The following IGF2BP1 variants were observed in gnomAD, a reference collection of about 807,000 sequenced individuals.
The protein encoded by IGF2BP1 is insulin like growth factor 2 mRNA binding protein 1.
Under a neutral mutation model 74.9 loss-of-function variants are expected in IGF2BP1, and 11 were observed. The ratio of observed to expected loss-of-function variants is 0.15; its 90% CI spans 0.09 to 0.24. The LOEUF (loss-of-function observed/expected upper bound fraction) is 0.24, where lower values mean the gene tolerates loss of function less well. Ranked by LOEUF, IGF2BP1 falls within the 10% of genes least tolerant of loss-of-function variation. IGF2BP1 has a pLI of 1.00. For missense variants in IGF2BP1, 440 were observed against 757.4 expected (o/e 0.58, Z 4.92); for synonymous variants, 287 against 281.8 (o/e 1.02, Z -0.18).
chr17:49,028,960 C>T (rs368242841), intron 4 of IGF2BP1, among the ~76,000 whole-genome samples: 3 of 152,166 alleles, frequency 2.0e-5, no homozygotes, highest in East Asian at 3.8e-4. Context: ...GCACCCACTA[C>T]CATGCCCAGC....
chr17:49,031,861 G>A, intron 4 of IGF2BP1, 49 bp from the exon 5 acceptor site: 1 of 1,522,556 alleles, frequency 6.6e-7, no homozygotes, highest in Non-Finnish European at 9.1e-7. Flanking sequence ...TTCATTGATT[G>A]GGCCTCCAGA....
At chr17:49,025,491 T>G in intron 2 of IGF2BP1, 127 bp from the exon 3 acceptor site, 5 of 832,838 alleles carry the variant, frequency 6.0e-6, no homozygotes, top group Non-Finnish European at 9.7e-6. Context: ...TCTTAGATTT[T>G]AAGACTATGG....
chr17:49,041,534 G>T, intron 8 of IGF2BP1, 34 bp downstream of exon 8: 1 of 1,612,928 alleles, frequency 6.2e-7, no homozygotes, highest in Non-Finnish European at 8.5e-7. Flanking sequence ...GTTTATGAGT[G>T]GGGGATGCAT....
intron 7 of IGF2BP1, 113 bp from the exon 8 acceptor site, chr17:49,041,265 T>G: frequency 1.8e-6 from 2 of 1,120,904 alleles, no homozygotes; most frequent in Non-Finnish European, 2.6e-6. Flanking sequence ...TTGATAAGTT[T>G]TGAGATGTTT....
At chr17:49,009,663 C>T (rs1037547637) in intron 2 of IGF2BP1, among the ~76,000 whole-genome samples, 3 of 150,712 alleles carry the variant, frequency 2.0e-5, no homozygotes, top group Admixed American at 1.3e-4. Context: ...GAGCTGAGAT[C>T]GTCCCATTGC....
At chr17:49,005,629 A>G (rs1278122281) in intron 2 of IGF2BP1, among the ~76,000 whole-genome samples, 1 of 152,128 alleles carries the variant, frequency 6.6e-6, no homozygotes, top group African/African-American at 2.4e-5. Flanking sequence ...GGGAAGCTCT[A>G]CATTTTCTCT....
chr17:49,030,632 T>C (rs2041911131), intron 4 of IGF2BP1, among the ~76,000 whole-genome samples: 1 of 151,952 alleles, frequency 6.6e-6, no homozygotes, highest in Non-Finnish European at 1.5e-5. Context: ...ACTTTTTTTT[T>C]TTTTCTTTTT....
chr17:49,036,416 C>T (rs981150144), intron 5 of IGF2BP1: 3 of 151,064 alleles, frequency 2.0e-5, no homozygotes, highest in Non-Finnish European at 2.9e-5. Flanking sequence ...GGCCCCTGCG[C>T]GAAGATGGCA....
chr17:49,012,699 G>T (rs1261378220), intron 2 of IGF2BP1, among the ~76,000 whole-genome samples: 2 of 152,094 alleles, frequency 1.3e-5, no homozygotes, highest in Non-Finnish European at 2.9e-5. Flanking sequence ...TTTGTTACAG[G>T]TCTACAGAAT....
chr17:49,021,185 GTT>G (rs1423479437), intron 2 of IGF2BP1, among the ~76,000 whole-genome samples: 1 of 151,542 alleles, frequency 6.6e-6, no homozygotes, highest in Non-Finnish European at 1.5e-5. Flanking sequence ...ATTGAGAACT[GTT>G]TTCTTTTCTC....
At chr17:49,027,148 CCTCGG>C (rs2041868047) in intron 4 of IGF2BP1, among the ~76,000 whole-genome samples, 1 of 152,184 alleles carries the variant, frequency 6.6e-6, no homozygotes, top group Non-Finnish European at 1.5e-5. Flanking sequence ...GGACTCCTGG[CCTCGG>C]CTTCGGATCT....
At chr17:49,034,787 A>C (rs554287140) in intron 5 of IGF2BP1, among the ~76,000 whole-genome samples, 4 of 151,358 alleles carry the variant, frequency 2.6e-5, no homozygotes, top group Middle Eastern at 3.4e-3. Context: ...AAAACCAAAA[A>C]CACAAAACTT....
At chr17:49,021,420 T>C (rs954528430) in intron 2 of IGF2BP1, among the ~76,000 whole-genome samples, 3 of 152,134 alleles carry the variant, frequency 2.0e-5, no homozygotes, top group Non-Finnish European at 4.4e-5. Context: ...GGTCACTCAG[T>C]CTTTGTGGCT....
intron 2 of IGF2BP1, chr17:49,014,104 C>T (rs2143981039): frequency 6.5e-6 from 1 of 152,718 alleles, no homozygotes; most frequent in South Asian, 2.1e-4. Flanking sequence ...GCTGCGCCGT[C>T]TCAGTTCTCA....
At chr17:49,030,141 CTTTTTT>C (rs35530909) in intron 4 of IGF2BP1, among the ~76,000 whole-genome samples, 1 of 120,796 alleles carries the variant, frequency 8.3e-6, no homozygotes, top group African/African-American at 3.3e-5. Context: ...TTTAGCTGGA[CTTTTTT>C]TTTTTTTTTT....
At chr17:49,018,884 G>C (rs910701493) in intron 2 of IGF2BP1, among the ~76,000 whole-genome samples, 5 of 152,094 alleles carry the variant, frequency 3.3e-5, no homozygotes, top group African/African-American at 1.2e-4. Context: ...GGGAGGGGTG[G>C]AGGTGAAGGT....
At chr17:49,025,760 G>A (rs542122989) in intron 3 of IGF2BP1, 94 bp downstream of exon 3, 5 of 1,159,630 alleles carry the variant, frequency 4.3e-6, no homozygotes, top group South Asian at 2.6e-5. Flanking sequence ...GATTGGGGAG[G>A]TCTGGGGCCA....
intron 2 of IGF2BP1, among the ~76,000 whole-genome samples, chr17:49,002,612 C>G (rs2041499982): frequency 6.6e-6 from 1 of 151,372 alleles, no homozygotes; most frequent in African/African-American, 2.4e-5. Context: ...TAAAAGATAA[C>G]ATGTGACTAC....
At chr17:49,013,921 C>A (rs9906710) in intron 2 of IGF2BP1, 54,706 of 152,222 alleles carry the variant, frequency 0.36, 10,376 homozygotes, top group African/African-American at 0.43. Flanking sequence ...CGAGACCGTG[C>A]GGAGCCCTGT....
Sources: allele counts gnomAD v4.1 joint callset (sites outside exome capture counted in the v4.1 genomes callset), GRCh38; gene constraint gnomAD v4.1.1; transcripts MANE v1.5; gene names NCBI Gene and HGNC (gene_info 2026-07-23, HGNC 2026-07-21).